Variants in CWC22 observed in about 807,000 individuals in gnomAD.
CWC22 encodes the protein pre-mRNA-splicing factor CWC22 homolog.
A neutral mutation model predicts 117.2 loss-of-function variants in CWC22; 53 were observed. The ratio of observed to expected loss-of-function variants is 0.45; its 90% CI spans 0.36 to 0.57. The LOEUF (loss-of-function observed/expected upper bound fraction) is 0.57, where lower values mean the gene tolerates loss of function less well. Ranked by LOEUF, CWC22 falls within the 20% of genes least tolerant of loss-of-function variation. The pLI, the probability that CWC22 is intolerant of heterozygous loss-of-function variation, is 0.00. For missense variants in CWC22, 980 were observed against 1,068.8 expected (o/e 0.92, Z 1.16); for synonymous variants, 360 against 355.6 (o/e 1.01, Z -0.14).
At chr2:179,989,163 A>C (rs1687497062) in intron 2 of CWC22, among the ~76,000 whole-genome samples, 1 of 151,852 alleles carries the variant, frequency 6.6e-6, no homozygotes, top group African/African-American at 2.4e-5. Context: ...TTTCTAGCCA[A>C]AAAAATTCAA....
chr2:179,992,535 C>T (rs2105554591), intron 2 of CWC22, among the ~76,000 whole-genome samples: 1 of 152,230 alleles, frequency 6.6e-6, no homozygotes, highest in South Asian at 2.1e-4. Flanking sequence ...ATGTTGAATC[C>T]CCCTACCCTT....
intron 11 of CWC22, among the ~76,000 whole-genome samples, chr2:179,970,033 C>T (rs1003976245): frequency 6.6e-6 from 1 of 152,072 alleles, no homozygotes; most frequent in African/African-American, 2.4e-5. Context: ...CAATGATGTA[C>T]AAATGAAAAT....
At chr2:179,959,220 A>G in intron 13 of CWC22, 138 bp from the exon 14 acceptor site, 4 of 537,250 alleles carry the variant, frequency 7.4e-6, no homozygotes, top group Admixed American at 3.2e-5. Flanking sequence ...GTATATAAGG[A>G]AAATATAGCT....
Position 180,003,447 on chromosome 2 carries a change from T to C in CWC22, c.-114+3420A>G, listed in dbSNP as rs536132795. Among the ~76,000 whole-genome samples, 3 of 152,316 alleles carry C rather than the reference T, an allele frequency of 2.0e-5. No individual in the cohort carries two copies. In the East Asian group the frequency reaches 5.8e-4, roughly 29 times the overall value. On this transcript the variant is annotated intron_variant, in intron 1 of 19. Coordinates refer to ENST00000410053, the MANE Select transcript of CWC22 (RefSeq NM_020943.3). ...GTTCCTCAGCTTGCCTAATTAAGTATATGGGTGAACACATTCTGCCAATTT... is the reference window on the plus strand; with the variant it reads ...GTTCCTCAGCTTGCCTAATTAAGTACATGGGTGAACACATTCTGCCAATTT...
chr2:179,992,036 C>CCTA (rs1172312626), intron 2 of CWC22, among the ~76,000 whole-genome samples: 1 of 152,166 alleles, frequency 6.6e-6, no homozygotes, highest in African/African-American at 2.4e-5. Context: ...TTAATAAGCA[C>CCTA]CTACTACAGG....
Position 179,959,054 on chromosome 2 carries a change from A to G in CWC22, c.1426T>C (p.Leu476=). Reference sequence around the variant, plus strand: ...CTTTCAGGAAACTCCATTTTCAGCAATTTGTGAGCACATTCTTCAAAATCT... The same window carrying G: ...CTTTCAGGAAACTCCATTTTCAGCAGTTTGTGAGCACATTCTTCAAAATCT... The part of the protein sequence containing the change: ...SLDFEECAHK[L]LKMEFPESQT... Residue 476 remains leucine, a synonymous_variant, in exon 14 of 20, where the codon TTG becomes CTG. Transcript: ENST00000410053. The G allele has an allele frequency of 6.4e-7, 1 of 1,572,302 alleles. No individual in the cohort carries two copies. Among genetic ancestry groups the G allele is most frequent in the Non-Finnish European group, 8.6e-7 (1 of 1,156,102 alleles).
At chr2:179,960,958 G>A (rs12693214) in intron 13 of CWC22, among the ~76,000 whole-genome samples, 137,486 of 151,938 alleles carry the variant, frequency 0.9, 62,277 homozygotes, top group East Asian at 1. Flanking sequence ...AGACATTGCC[G>A]ATTTCTTATA....
chr2:179,981,686 A>G (rs1297965069), intron 5 of CWC22, 66 bp downstream of exon 5: 1 of 1,386,064 alleles, frequency 7.2e-7, no homozygotes, highest in Non-Finnish European at 1.0e-6. Context: ...GGGTTAATTA[A>G]ACCACAGTTG....
chr2:179,964,135 C>A (rs757979716), intron 13 of CWC22, among the ~76,000 whole-genome samples: 1 of 152,148 alleles, frequency 6.6e-6, no homozygotes, highest in Non-Finnish European at 1.5e-5. Context: ...AAATCACTGT[C>A]CAACAGTCAT....
intron 7 of CWC22, 34 bp downstream of exon 7, chr2:179,973,600 T>C (rs1232858876): frequency 7.4e-6 from 10 of 1,343,806 alleles, no homozygotes; most frequent in Non-Finnish European, 1.0e-5. Context: ...TTTGTTCCTA[T>C]GTATCATTCT....
Position 179,973,711 on chromosome 2 carries a change from T to C in CWC22, c.673A>G (p.Lys225Glu). Residue 225 changes from lysine (K) to glutamate (E), a missense_variant, in exon 7 of 20, where the codon AAA becomes GAA. By Grantham distance (56) the Lys-to-Glu change is moderately conservative. This residue lies in a region of CWC22 where 559 missense variants were observed against 602.3 expected (regional missense o/e 0.93). Transcript: ENST00000410053. ...YAALVAIINSKFPQIGELILK... is the reference protein window; with the variant it reads ...YAALVAIINSEFPQIGELILK... ...ATTAATTCTCCAATTTGTGGAAATT[T>C]TGAGTTGATAATTGCCACTAATGCT... 1 of 1,611,134 alleles carries C rather than the reference T, an allele frequency of 6.2e-7. No homozygotes were observed. Among genetic ancestry groups the C allele is most frequent in the Non-Finnish European group, 8.5e-7 (1 of 1,177,668 alleles).
chr2:179,949,447 T>C (rs1227096137), intron 19 of CWC22, among the ~76,000 whole-genome samples: 1 of 152,128 alleles, frequency 6.6e-6, no homozygotes. Flanking sequence ...CTAGTTGAAA[T>C]GCAAATTAAA....
At chr2:179,974,229 A>G (rs951033429) in intron 6 of CWC22, among the ~76,000 whole-genome samples, 3 of 152,240 alleles carry the variant, frequency 2.0e-5, no homozygotes, top group African/African-American at 7.2e-5. Context: ...TATAAAATTA[A>G]TTTTGTGATT....
rs1461952597 is a variant in CWC22, at chr2:179,986,705, T to A, written c.196A>T (p.Met66Leu). ...SRRGRSYDSS[M>L]ESRNRDREKR... ...ATTCCCAACACTAACCGTGACTCCA[T>A]GCTACTATCATAAGAACGTCCTCTT... Residue 66 changes from methionine to leucine, a missense_variant, in exon 4 of 20, where the codon ATG (methionine) becomes TTG (leucine). Physicochemically the swap from Met to Leu is conservative, Grantham distance 15. Around this residue, in one of 3 missense-constraint regions of CWC22, gnomAD observed 559 missense variants for 602.3 expected, o/e 0.93. Transcript: ENST00000410053. 1 of 1,577,610 alleles carries A rather than the reference T, an allele frequency of 6.3e-7. No individual in the cohort carries two copies. Among genetic ancestry groups the A allele is most frequent in the East Asian group, 2.2e-5 (1 of 44,582 alleles).
At position 179,993,454 on chromosome 2, in the gene CWC22, CCT is replaced by C; in HGVS notation, c.-113-2_-113-1del. On this transcript the variant is annotated splice_acceptor_variant, in intron 1 of 19. Transcript: ENST00000410053. LOFTEE classifies it low-confidence loss of function (5UTR_SPLICE). The stretch of plus-strand genomic sequence containing the variant: ...TTACTTTTTCTGTCTGCAAACATCA[CCT>C]ATAAAATATACCAAAGAAAGCTTTA... 1 of 712,506 alleles carries C rather than the reference CCT, an allele frequency of 1.4e-6. No individual in the cohort carries two copies. Among genetic ancestry groups the C allele is most frequent in the Non-Finnish European group, 2.5e-6 (1 of 407,116 alleles). 44.1% of individuals were successfully genotyped at this position (712,506 alleles called of 1,614,324 possible). A position where few individuals can be genotyped will look rare whatever the true frequency, so the allele number is the denominator to read the frequency against.
At chr2:179,968,905 T>C (rs892897146) in intron 11 of CWC22, among the ~76,000 whole-genome samples, 1 of 152,178 alleles carries the variant, frequency 6.6e-6, no homozygotes, top group Non-Finnish European at 1.5e-5. Flanking sequence ...TAATTTATGT[T>C]AACATATACT....
In CWC22 at chr2:179,981,921, C is replaced by T. The variant is rs749326451; in HGVS notation, c.283G>A (p.Gly95Arg). 6.3e-7 allele frequency: 1 copy of T among 1,589,282 alleles called. No homozygotes were observed. The highest frequency in any genetic ancestry group is 1.1e-5 in the South Asian group (1 of 87,914). Residue 95 changes from glycine (G) to arginine (R), a missense_variant, in exon 5 of 20, where the codon GGG (glycine) becomes AGG (arginine). Gly to Arg is a moderately radical substitution (Grantham distance 125). Around this residue, in one of 3 missense-constraint regions of CWC22, gnomAD observed 559 missense variants for 602.3 expected, o/e 0.93. Transcript: ENST00000410053. ...RKRSRKSPSP[G>R]RRNPETSVTQ... ...ACTGATGTTTCTGGGTTTCTCCTCC[C>T]AGGAGATGGGGATTTCCGAGACCTT...
At position 180,000,820 on chromosome 2, in the gene CWC22, G is replaced by GA. The variant is rs199821429; in HGVS notation, c.-114+6046dup. Among the ~76,000 whole-genome samples, 544 of 135,836 alleles carry GA rather than the reference G, an allele frequency of 4.0e-3. 4 individuals carry two copies. The highest frequency in any genetic ancestry group is 0.011 in the Middle Eastern group (3 of 268). The allele number at this position is 135,836 out of a possible 152,430, so 89.1% of individuals were successfully genotyped here. ...TTAAGACAGTAAGACACAGAGGAGT[G>GA]AAAAAAAAAAAAGACATTTTAATGA... On this transcript the variant is annotated intron_variant, in intron 1 of 19. Coordinates refer to ENST00000410053, the MANE Select transcript of CWC22 (RefSeq NM_020943.3).
Position 179,945,343 on chromosome 2 carries a change from T to C in CWC22, c.2513A>G (p.His838Arg). 1 of 1,613,186 alleles carries C rather than the reference T, an allele frequency of 6.2e-7. No homozygotes were observed. The highest frequency in any genetic ancestry group is 8.5e-7 in the Non-Finnish European group (1 of 1,179,670). ...NSFSENEKHT[H>R]RIKDSENFRR... ...GAAATTTTCACTGTCTTTAATTCGG[T>C]GTGTATGCTTCTCATTTTCAGAAAA... The change falls in exon 20 of 20, where the codon CAC becomes CGC. Residue 838 changes from histidine (H) to arginine (R), a missense_variant. His to Arg is a conservative substitution (Grantham distance 29, BLOSUM62 0). This residue lies in a region of CWC22 where 306 missense variants were observed against 296.8 expected (regional missense o/e 1.03). Coordinates refer to ENST00000410053, the MANE Select transcript of CWC22 (RefSeq NM_020943.3).
Sources: allele counts gnomAD v4.1 joint callset (sites outside exome capture counted in the v4.1 genomes callset), GRCh38; gene constraint gnomAD v4.1.1; regional missense constraint gnomAD v4.1.1; transcripts MANE v1.5; gene names NCBI Gene and HGNC (gene_info 2026-07-23, HGNC 2026-07-21).